The following TRIM67 variants were observed in gnomAD, a reference collection of about 807,000 sequenced individuals.
TRIM67 encodes tripartite motif containing 67, also known as tripartite motif-containing protein 67.
TRIM67 carries 39 observed loss-of-function variants against 71.0 expected under a neutral mutation model. The observed-to-expected ratio is 0.55, with a 90% CI of 0.43 to 0.72. The LOEUF (loss-of-function observed/expected upper bound fraction) is 0.72. Ranked by LOEUF, TRIM67 falls within the 30% of genes least tolerant of loss-of-function variation. TRIM67 has a pLI of 0.00. For synonymous variants in TRIM67, 481 were observed against 473.9 expected, an observed-to-expected ratio of 1.01 and a Z score of -0.19; for missense variants, 973 against 1,079.2, an observed-to-expected ratio of 0.90 and a Z score of 1.38.
chr1:231,173,454 G>T (rs1682664117), intron 1 of TRIM67, among the ~76,000 whole-genome samples: 1 of 152,214 alleles, frequency 6.6e-6, no homozygotes, highest in Non-Finnish European at 1.5e-5. Context: ...TGAGGAGGAT[G>T]TATTCAAGCT....
In TRIM67 at chr1:231,220,026, C is replaced by G; in HGVS notation, c.*4586C>G. On this transcript the variant is annotated 3_prime_UTR_variant, in exon 10 of 10. Transcript: ENST00000366653. ...CCTTTCTGTGCCTCAGTATCCCCAC[C>G]TGAAATGAGACTAGTCATACTAACC... is the stretch of plus-strand genomic sequence containing the variant. The G allele has an allele frequency of 1.8e-6, 2 of 1,142,674 alleles. No homozygotes were observed. Among genetic ancestry groups the G allele is most frequent in the Non-Finnish European group, 2.3e-6 (2 of 854,494 alleles). The allele number at this position is 1,142,674 out of a possible 1,614,324, so 70.8% of individuals were successfully genotyped here. A position where few individuals can be genotyped will look rare whatever the true frequency, so the allele number is the denominator to read the frequency against.
At position 231,162,238 on chromosome 1, in the gene TRIM67, G is replaced by T. The variant is rs117598730; in HGVS notation, c.-732G>T. The T allele has an allele frequency of 0.078, 11,857 of 152,418 alleles. 627 individuals carry two copies. The highest frequency in any genetic ancestry group is 0.26 in the East Asian group (1,316 of 5,150). 9.4% of individuals were successfully genotyped at this position (152,418 alleles called of 1,614,324 possible). ...CCAGGGAAGCGGGTCAATCCCGGCC[G>T]CAGGGAGAAAGCCCCAGGGCGCAGT... On this transcript the variant is annotated 5_prime_UTR_variant, in exon 1 of 10. Coordinates refer to ENST00000366653, the MANE Select transcript of TRIM67 (RefSeq NM_001004342.5).
chr1:231,165,791 A>T (rs1682445330), intron 1 of TRIM67, among the ~76,000 whole-genome samples: 1 of 152,230 alleles, frequency 6.6e-6, no homozygotes, highest in Non-Finnish European at 1.5e-5. Context: ...AATTACCAAG[A>T]CAAGAAGTAC....
Position 231,216,133 on chromosome 1 carries a change from T to C in TRIM67, c.*693T>C, listed in dbSNP as rs976321836. 1.0e-6 allele frequency: 1 copy of C among 982,250 alleles called. No individual in the cohort carries two copies. Among genetic ancestry groups the C allele is most frequent in the Non-Finnish European group, 1.2e-6 (1 of 827,230 alleles). The allele number at this position is 982,250 out of a possible 1,614,324, so 60.8% of individuals were successfully genotyped here. Reference sequence around the variant, plus strand: ...CTCTCTCTCTTCCTCCATCCTTCATTTCTTCTCCCTCCCTCCTTCTCTTTC... The same window carrying C: ...CTCTCTCTCTTCCTCCATCCTTCATCTCTTCTCCCTCCCTCCTTCTCTTTC... On this transcript the variant is annotated 3_prime_UTR_variant, in exon 10 of 10. Coordinates refer to ENST00000366653, the MANE Select transcript of TRIM67 (RefSeq NM_001004342.5).
chr1:231,183,607 C>T (rs1682969291), intron 1 of TRIM67, among the ~76,000 whole-genome samples: 1 of 151,924 alleles, frequency 6.6e-6, no homozygotes, highest in Non-Finnish European at 1.5e-5. Context: ...AAATGAGACC[C>T]CCATCCCTCC....
Position 231,163,150 on chromosome 1 carries a change from G to A in TRIM67, c.181G>A (p.Ala61Thr), listed in dbSNP as rs1181274029. 6 of 1,510,782 alleles carry A rather than the reference G, an allele frequency of 4.0e-6. No individual in the cohort carries two copies. In the East Asian group the frequency reaches 1.6e-4, roughly 40 times the overall value. 93.6% of individuals were successfully genotyped at this position (1,510,782 alleles called of 1,614,324 possible). A position where few individuals can be genotyped will look rare whatever the true frequency, so the allele number is the denominator to read the frequency against. ...CCGGGGATCGGGGCTGCAGGCGGGCGCCGCCGCCGCTGCCTCTCTGGAGCA... is the reference window on the plus strand; with the variant it reads ...CCGGGGATCGGGGCTGCAGGCGGGCACCGCCGCCGCTGCCTCTCTGGAGCA... Reference protein sequence around the residue: ...LSRGSGLQAGAAAAASLEHDA... With the variant: ...LSRGSGLQAGTAAAASLEHDA... The change falls in exon 1 of 10, where the codon GCC (alanine) becomes ACC (threonine). Residue 61 changes from alanine (A) to threonine (T), a missense_variant. By Grantham distance (58) the Ala-to-Thr change is moderately conservative. Around this residue, in one of 2 missense-constraint regions of TRIM67, gnomAD observed 795 missense variants for 831.3 expected, o/e 0.96. Transcript: ENST00000366653.
intron 1 of TRIM67, chr1:231,187,371 T>C: frequency 2.9e-6 from 2 of 697,304 alleles, no homozygotes; most frequent in East Asian, 5.9e-5. Flanking sequence ...TTTCTCTGCT[T>C]ACCCAGGAGC....
intron 1 of TRIM67, among the ~76,000 whole-genome samples, chr1:231,195,256 G>T (rs1445781482): frequency 6.6e-6 from 1 of 152,156 alleles, no homozygotes; most frequent in Non-Finnish European, 1.5e-5. Flanking sequence ...ACTAGCCACT[G>T]GCTAATCACA....
At position 231,209,013 on chromosome 1, in the gene TRIM67, C is replaced by G. The variant is rs1683789440; in HGVS notation, c.1886C>G (p.Thr629Arg). The change falls in exon 8 of 10, where the codon ACA becomes AGA. Residue 629 changes from threonine (T) to arginine (R), a missense_variant. Physicochemically the swap from Thr to Arg is moderately conservative, Grantham distance 71 (BLOSUM62 -1). Coordinates refer to ENST00000366653, the MANE Select transcript of TRIM67 (RefSeq NM_001004342.5). This position sits in a 1 kb window ranked among gnomAD's most constrained non-coding sequence, Gnocchi z 4.1. Reference protein sequence around the residue: ...RDIILSNDNQTATCSSYDDRV... With the variant: ...RDIILSNDNQRATCSSYDDRV... ...ATCATTTTATCCAATGACAACCAGACAGCCACCTGCAGCAGCTATGACGAC... is the reference window on the plus strand; with the variant it reads ...ATCATTTTATCCAATGACAACCAGAGAGCCACCTGCAGCAGCTATGACGAC... 6.2e-7 allele frequency: 1 copy of G among 1,612,616 alleles called. No individual in the cohort carries two copies. Among genetic ancestry groups the G allele is most frequent in the African/African-American group, 1.3e-5 (1 of 75,012 alleles).
chr1:231,215,736 G>A lies in TRIM67; in HGVS notation c.*296G>A. Reference sequence around the variant, plus strand: ...CTTTCTCAAGGGAGTCAGCATTCGGGCTTCATGTCTATGTTTCCTGCCATC... The same window carrying A: ...CTTTCTCAAGGGAGTCAGCATTCGGACTTCATGTCTATGTTTCCTGCCATC... On this transcript the variant is annotated 3_prime_UTR_variant, in exon 10 of 10. Coordinates refer to ENST00000366653, the MANE Select transcript of TRIM67 (RefSeq NM_001004342.5). The A allele has an allele frequency of 8.4e-7, 1 of 1,190,444 alleles. No homozygotes were observed. The highest frequency in any genetic ancestry group is 1.0e-6 in the Non-Finnish European group (1 of 960,764). 73.7% of individuals were successfully genotyped at this position (1,190,444 alleles called of 1,614,324 possible).
At chr1:231,181,644 C>A (rs974990911) in intron 1 of TRIM67, among the ~76,000 whole-genome samples, 4 of 152,234 alleles carry the variant, frequency 2.6e-5, no homozygotes, top group African/African-American at 9.6e-5. Context: ...AAAAATCTAG[C>A]AGTGTCCTCT....
chr1:231,162,923 C>T lies in TRIM67; in HGVS notation c.-47C>T, dbSNP rs1377308549. 5.7e-6 allele frequency: 9 copies of T among 1,587,806 alleles called. No individual in the cohort carries two copies. Among genetic ancestry groups the T allele is most frequent in the East Asian group, 2.3e-5 (1 of 43,530 alleles). The stretch of plus-strand genomic sequence containing the variant: ...CCTCCTCCGCCAGTCTCCCGAGCTC[C>T]GGCCATTCATCCCCAGCGCAGAGCA... On this transcript the variant is annotated 5_prime_UTR_variant, in exon 1 of 10. Transcript: ENST00000366653.
chr1:231,206,475 G>A (rs1170418349), intron 6 of TRIM67, among the ~76,000 whole-genome samples, 177 bp from the exon 7 acceptor site: 3 of 152,018 alleles, frequency 2.0e-5, no homozygotes, highest in Non-Finnish European at 4.4e-5. Context: ...TTAGAAATGG[G>A]GCCCTGCAAT....
rs375674739 is a variant in TRIM67 at position 231,199,052 on chromosome 1, C to T, written c.1146C>T (p.Asn382=). The T allele has an allele frequency of 2.7e-5, 43 of 1,613,838 alleles. No individual in the cohort carries two copies. Among genetic ancestry groups the T allele is most frequent in the African/African-American group, 1.1e-4 (8 of 74,916 alleles). Residue 382 remains asparagine, a synonymous_variant, in exon 3 of 10, where the codon AAC becomes AAT. Transcript: ENST00000366653. ...LKNILQQIQE[N]GLDYEACLVA... ...CAACCCCCAACCTCTGCCAGGAAAA[C>T]GGACTGGACTACGAAGCCTGCCTCG...
In TRIM67 at chr1:231,197,276, T is replaced by G. The variant is rs1160813163; in HGVS notation, c.1045-95T>G. 9.2e-6 allele frequency: 9 copies of G among 974,590 alleles called. No individual in the cohort carries two copies. In the East Asian group the frequency reaches 2.2e-4, roughly 24 times the overall value. The allele number at this position is 974,590 out of a possible 1,614,324, so 60.4% of individuals were successfully genotyped here. On this transcript the variant is annotated intron_variant, in intron 1 of 9. Transcript: ENST00000366653. ...CAGCAGATGCGTGGGATCAGTCCTA[T>G]CCCCTCTTATAAACATAAGCTTTTA... is the stretch of plus-strand genomic sequence containing the variant.
In TRIM67 at chr1:231,213,897, G is replaced by A. The variant is rs1458052725; in HGVS notation, c.2206G>A (p.Gly736Arg). ...GCACACTCTCACCTTCTTCATCAAC[G>A]GGCAGCAGCAGGGCCCCACAGCCTT... ...NKHTLTFFIN[G>R]QQQGPTAFSH... The change falls in exon 9 of 10, where the codon GGG becomes AGG. Residue 736 changes from glycine to arginine, a missense_variant. By Grantham distance (125) the Gly-to-Arg change is moderately radical. Coordinates refer to ENST00000366653, the MANE Select transcript of TRIM67 (RefSeq NM_001004342.5). The A allele has an allele frequency of 4.3e-6, 7 of 1,613,624 alleles. No individual in the cohort carries two copies. In the South Asian group the frequency reaches 4.4e-5, roughly 10 times the overall value.
chr1:231,211,706 G>A lies in TRIM67; in HGVS notation c.2124-2109G>A, dbSNP rs542210073. 2.0e-5 allele frequency among the ~76,000 whole-genome samples: 3 copies of A among 152,254 alleles called. No individual in the cohort carries two copies. In the South Asian group the frequency reaches 6.2e-4, roughly 32 times the overall value. On this transcript the variant is annotated intron_variant, in intron 8 of 9. Transcript: ENST00000366653. ...TCTGCCCTACCAGCAGCGTCCAGCA[G>A]ATCAACTCATTATCAATCTGGAAGG... is the stretch of plus-strand genomic sequence containing the variant.
intron 1 of TRIM67, among the ~76,000 whole-genome samples, chr1:231,183,221 G>C (rs551438447): frequency 6.6e-6 from 1 of 152,176 alleles, no homozygotes; most frequent in East Asian, 1.9e-4. Context: ...GCATTTGTTG[G>C]GCATCCTAAC....
In TRIM67 at chr1:231,207,615, C is replaced by G. The variant is rs933193017; in HGVS notation, c.1819+825C>G. Among the ~76,000 whole-genome samples the G allele has an allele frequency of 2.0e-5, 3 of 152,228 alleles. No homozygotes were observed. The East Asian group carries it at 5.8e-4, about 29-fold the overall frequency. On this transcript the variant is annotated intron_variant, in intron 7 of 9. Coordinates refer to ENST00000366653, the MANE Select transcript of TRIM67 (RefSeq NM_001004342.5). ...ATCATTTAGTCCACACATCCTCTGA[C>G]TGCCACAGCTGGATGGTCTCCTAGA...
Sources: allele counts gnomAD v4.1 joint callset (sites outside exome capture counted in the v4.1 genomes callset), GRCh38; gene constraint gnomAD v4.1.1; regional missense constraint gnomAD v4.1.1; non-coding constraint Gnocchi (gnomAD v3.1); transcripts MANE v1.5; gene names NCBI Gene and HGNC (gene_info 2026-07-23, HGNC 2026-07-21).